KIF21A: variants seen among roughly 807,000 people sequenced by gnomAD.
The protein encoded by KIF21A is kinesin-like protein KIF21A.
A neutral mutation model predicts 202.9 loss-of-function variants in KIF21A; 114 were observed. That is an observed-to-expected ratio of 0.56 (90% CI 0.48 to 0.66). KIF21A has a LOEUF of 0.66. KIF21A is among the 30% of genes least tolerant of loss of function. KIF21A has a pLI of 0.00. For missense variants in KIF21A, 1,677 were observed against 1,994.9 expected (o/e 0.84, Z 3.04); for synonymous variants, 667 against 670.8 (o/e 0.99, Z 0.09).
chr12:39,354,453 T>C (rs986106156), intron 10 of KIF21A, among the ~76,000 whole-genome samples: 1 of 152,154 alleles, frequency 6.6e-6, no homozygotes, highest in South Asian at 2.1e-4. Flanking sequence ...ATGATTTTAA[T>C]TTTCTCTTAC....
chr12:39,402,437 C>T (rs1042552376), intron 1 of KIF21A, among the ~76,000 whole-genome samples: 5 of 152,126 alleles, frequency 3.3e-5, no homozygotes, highest in Non-Finnish European at 2.9e-5. Flanking sequence ...GTGGCTTATG[C>T]CTATAATTCC....
intron 7 of KIF21A, among the ~76,000 whole-genome samples, chr12:39,359,953 A>G (rs1949078815): frequency 1.3e-5 from 2 of 152,164 alleles, no homozygotes; most frequent in South Asian, 4.1e-4. Context: ...GTGAGTCACA[A>G]ATGGGGCAAG....
At chr12:39,416,815 G>T (rs11172081) in intron 1 of KIF21A, among the ~76,000 whole-genome samples, 1 of 94,144 alleles carries the variant, frequency 1.1e-5, no homozygotes, top group African/African-American at 4.3e-5. Flanking sequence ...ATATATGTGT[G>T]TATATATGTA....
intron 1 of KIF21A, among the ~76,000 whole-genome samples, chr12:39,426,269 TTAAC>T (rs1442687253): frequency 4.6e-5 from 7 of 152,270 alleles, no homozygotes; most frequent in East Asian, 1.9e-4. Flanking sequence ...ATGGATGTTA[TTAAC>T]TAACTGTGTG....
chr12:39,358,058 G>T (rs1209960709), intron 8 of KIF21A, 120 bp downstream of exon 8: 1 of 855,140 alleles, frequency 1.2e-6, no homozygotes, highest in Non-Finnish European at 2.0e-6. Flanking sequence ...CAAAAGGAAG[G>T]AGGACACTAT....
At chr12:39,429,141 G>C (rs1011240446) in intron 1 of KIF21A, among the ~76,000 whole-genome samples, 1 of 152,044 alleles carries the variant, frequency 6.6e-6, no homozygotes, top group African/African-American at 2.4e-5. Context: ...AGAGGTTTAA[G>C]GATTAATATG....
chr12:39,409,220 C>T (rs1952868781), intron 1 of KIF21A, among the ~76,000 whole-genome samples: 1 of 151,490 alleles, frequency 6.6e-6, no homozygotes, highest in African/African-American at 2.4e-5. Flanking sequence ...ATCAATGAAC[C>T]TTAAGCAAAT....
intron 10 of KIF21A, among the ~76,000 whole-genome samples, chr12:39,356,427 C>A (rs1288677840): frequency 1.3e-5 from 2 of 152,054 alleles, no homozygotes; most frequent in Non-Finnish European, 2.9e-5. Context: ...GTAAGAATAG[C>A]TGAAGATATA....
rs149504857 is a variant in KIF21A at position 39,372,099 on chromosome 12, A to G, written c.45-1838T>C. 6.7e-3 allele frequency among the ~76,000 whole-genome samples: 1,018 copies of G among 152,084 alleles called. 14 individuals carry two copies. Among genetic ancestry groups the G allele is most frequent in the African/African-American group, 0.023 (972 of 41,512 alleles). On this transcript the variant is annotated intron_variant, in intron 1 of 37. Coordinates refer to ENST00000361418, the MANE Select transcript of KIF21A (RefSeq NM_001173464.2). ...AAAAACAAGTTCATCTATTTATTAG[A>G]GATAAAGCCAAGCCCAAGTCCAGAT...
rs1437592707 is a variant in KIF21A, at chr12:39,301,568, T to C, written c.4843A>G (p.Thr1615Ala). 6.2e-7 allele frequency: 1 copy of C among 1,614,086 alleles called. No individual in the cohort carries two copies. The highest frequency in any genetic ancestry group is 1.7e-5 in the Admixed American group (1 of 60,018). ...GGILKVWNMD[T>A]FMPVGEMKGH... ...TTCATCTCTCCCACTGGCATAAAAGTATCCATGTTCCAGACTTTCAAAATG... is the reference window on the plus strand; with the variant it reads ...TTCATCTCTCCCACTGGCATAAAAGCATCCATGTTCCAGACTTTCAAAATG... Residue 1615 changes from threonine (T) to alanine (A), a missense_variant, in exon 37 of 38, where the codon ACT becomes GCT. Thr to Ala is a moderately conservative substitution (Grantham distance 58, BLOSUM62 0). Coordinates refer to ENST00000361418, the MANE Select transcript of KIF21A (RefSeq NM_001173464.2).
At chr12:39,346,748 T>C (rs940869723) in intron 11 of KIF21A, among the ~76,000 whole-genome samples, 4 of 151,934 alleles carry the variant, frequency 2.6e-5, no homozygotes, top group African/African-American at 9.7e-5. Context: ...TCAGTTGAAA[T>C]TATGCAGCAG....
chr12:39,387,961 G>A (rs910172127), intron 1 of KIF21A, among the ~76,000 whole-genome samples: 2 of 152,136 alleles, frequency 1.3e-5, no homozygotes, highest in Non-Finnish European at 2.9e-5. Context: ...AGGTGGTAAC[G>A]TGTGACATGA....
At chr12:39,433,756 A>G (rs1938287220) in intron 1 of KIF21A, among the ~76,000 whole-genome samples, 1 of 152,222 alleles carries the variant, frequency 6.6e-6, no homozygotes, top group South Asian at 2.1e-4. Flanking sequence ...ATAAACTATA[A>G]AAGGATGAAT....
At chr12:39,405,456 A>G (rs1452276882) in intron 1 of KIF21A, among the ~76,000 whole-genome samples, 2 of 152,216 alleles carry the variant, frequency 1.3e-5, no homozygotes, top group East Asian at 3.8e-4. Flanking sequence ...TCAAAAATGT[A>G]TCTTTGCCAA....
chr12:39,316,722 G>A (rs116099969), intron 29 of KIF21A, among the ~76,000 whole-genome samples: 1,756 of 152,314 alleles, frequency 0.012, 34 homozygotes, highest in African/African-American at 0.036. Flanking sequence ...CGTCTTGCTA[G>A]TGGGATATGG....
In KIF21A at chr12:39,346,510, A is replaced by G; in HGVS notation, c.1674-6T>C. 1 of 1,485,708 alleles carries G rather than the reference A, an allele frequency of 6.7e-7. No individual in the cohort carries two copies. The highest frequency in any genetic ancestry group is 8.9e-7 in the Non-Finnish European group (1 of 1,121,020). The allele number at this position is 1,485,708 out of a possible 1,614,324, so 92.0% of individuals were successfully genotyped here. On this transcript the variant is annotated splice_region_variant and splice_polypyrimidine_tract_variant and intron_variant, in intron 11 of 37. Coordinates refer to ENST00000361418, the MANE Select transcript of KIF21A (RefSeq NM_001173464.2). ...TTTCCTCAAGTTTCTGTAGCCTTCA[A>G]AATCACGAGGCACAGTATTGGAAGG...
At chr12:39,434,924 T>C (rs1938471961) in intron 1 of KIF21A, among the ~76,000 whole-genome samples, 1 of 152,198 alleles carries the variant, frequency 6.6e-6, no homozygotes, top group Admixed American at 6.5e-5. Flanking sequence ...ATAATGTGGA[T>C]ATCTATTCTG....
intron 1 of KIF21A, among the ~76,000 whole-genome samples, chr12:39,406,928 G>A (rs1363415567): frequency 6.6e-6 from 1 of 152,146 alleles, no homozygotes; most frequent in Non-Finnish European, 1.5e-5. Context: ...TTACTTCAGT[G>A]AGCAAATACA....
At chr12:39,305,900 T>A (rs1280046963) in intron 34 of KIF21A, among the ~76,000 whole-genome samples, 1 of 152,230 alleles carries the variant, frequency 6.6e-6, no homozygotes, top group African/African-American at 2.4e-5. Flanking sequence ...CATAAGTGCA[T>A]GTACATCATA....
Sources: allele counts gnomAD v4.1 joint callset (sites outside exome capture counted in the v4.1 genomes callset), GRCh38; gene constraint gnomAD v4.1.1; transcripts MANE v1.5; gene names NCBI Gene and HGNC (gene_info 2026-07-23, HGNC 2026-07-21).